Variants in CPS1 observed in about 807,000 individuals in gnomAD.
CPS1 encodes carbamoyl-phosphate synthase 1.
Under a neutral mutation model 174.6 loss-of-function variants are expected in CPS1, and 109 were observed. That is an observed-to-expected ratio of 0.62 (90% CI 0.53 to 0.73). CPS1 has a LOEUF of 0.73. CPS1 is among the 30% of genes least tolerant of loss of function. The probability of loss-of-function intolerance (pLI) is 0.00; values close to 1 mark genes in which losing one functional copy is unlikely to be tolerated. For synonymous variants in CPS1, 637 were observed against 632.0 expected, an observed-to-expected ratio of 1.01 and a Z score of -0.12; for missense variants, 1,689 against 1,821.9, an observed-to-expected ratio of 0.93 and a Z score of 1.33.
chr2:210,494,564 T>C (rs1476233575), intron 1 of CPS1, among the ~76,000 whole-genome samples: 1 of 152,180 alleles, frequency 6.6e-6, no homozygotes, highest in Non-Finnish European at 1.5e-5. Context: ...GTGTGGGAGA[T>C]GCAAAGGCAA....
At chr2:210,500,540 A>G (rs953801371) in intron 1 of CPS1, among the ~76,000 whole-genome samples, 1 of 152,198 alleles carries the variant, frequency 6.6e-6, no homozygotes, top group Admixed American at 6.5e-5. Flanking sequence ...TACAGTCCCC[A>G]TGCAAGTCCG....
chr2:210,626,627 T>C (rs771322129), intron 21 of CPS1, among the ~76,000 whole-genome samples: 1 of 152,180 alleles, frequency 6.6e-6, no homozygotes, highest in Non-Finnish European at 1.5e-5. Flanking sequence ...GTAGGCAGTA[T>C]AGGTATATCG....
intron 20 of CPS1, among the ~76,000 whole-genome samples, chr2:210,613,245 A>G (rs1442744641): frequency 1.3e-5 from 2 of 151,976 alleles, no homozygotes; most frequent in Non-Finnish European, 2.9e-5. Context: ...CGCAACTTTT[A>G]TGTCCATATT....
intron 1 of CPS1, among the ~76,000 whole-genome samples, chr2:210,526,966 T>G (rs374440580): frequency 1.3e-5 from 2 of 151,976 alleles, no homozygotes; most frequent in East Asian, 3.9e-4. Flanking sequence ...TTTACAGATT[T>G]GCAGAAATAT....
chr2:210,586,590 A>G (rs909783320), intron 6 of CPS1, among the ~76,000 whole-genome samples: 22 of 152,084 alleles, frequency 1.4e-4, no homozygotes, highest in African/African-American at 4.8e-4. Flanking sequence ...CCTCTCTGTT[A>G]AGTCCAAGCA....
chr2:210,527,277 A>T lies in CPS1; in HGVS notation c.4-29442A>T, dbSNP rs529272420. On this transcript the variant is annotated intron_variant, in intron 1 of 38. Transcript: ENST00000430249. ...TTTCTTTGCAATTTACTTTTCTTAC[A>T]TACAAAAATATAAGGGACCTCCAGC... 1.8e-4 allele frequency among the ~76,000 whole-genome samples: 28 copies of T among 152,056 alleles called. 1 individual carries two copies. The highest frequency in any genetic ancestry group is 1.1e-3 in the Admixed American group (16 of 15,228).
rs1039951457 is a variant in CPS1 at position 210,632,186 on chromosome 2, CA to C, written c.2688-5509del. On this transcript the variant is annotated intron_variant, in intron 21 of 37. Coordinates refer to ENST00000233072, the MANE Select transcript of CPS1 (RefSeq NM_001875.5). Reference sequence around the variant, plus strand: ...AAAATAAGCTTTTACCTAGTTTGATCAAAAAAACAAAAACAAAAACCCACCA... The same window carrying C: ...AAAATAAGCTTTTACCTAGTTTGATCAAAAAACAAAAACAAAAACCCACCA... 4.6e-5 allele frequency among the ~76,000 whole-genome samples: 7 copies of C among 151,372 alleles called. No individual in the cohort carries two copies. In the East Asian group the frequency reaches 1.4e-3, roughly 29 times the overall value.
chr2:210,520,608 CTCTG>C (rs1358017928), intron 1 of CPS1, among the ~76,000 whole-genome samples: 1 of 151,988 alleles, frequency 6.6e-6, no homozygotes, highest in African/African-American at 2.4e-5. Flanking sequence ...TTTTTGCCTA[CTCTG>C]TCTGTCTCTA....
chr2:210,669,657 G>A (rs1450611270), intron 34 of CPS1, among the ~76,000 whole-genome samples: 1 of 152,092 alleles, frequency 6.6e-6, no homozygotes, highest in Non-Finnish European at 1.5e-5. Flanking sequence ...TAGAGCAGAG[G>A]CTAACAAGAT....
In CPS1 at chr2:210,505,319, A is replaced by T. The variant is rs1020892011; in HGVS notation, c.3+27553A>T. On this transcript the variant is annotated intron_variant, in intron 1 of 38. Coordinates refer to the CPS1 transcript ENST00000430249. The stretch of plus-strand genomic sequence containing the variant: ...GCAATTACTTTAGCACCAACCTAAT[A>T]TCATGAAGAAAGAAAAGAAGCACAG... Among the ~76,000 whole-genome samples, 8 of 151,932 alleles carry T rather than the reference A, an allele frequency of 5.3e-5. 1 individual carries two copies. Among genetic ancestry groups the T allele is most frequent in the Non-Finnish European group, 8.8e-5 (6 of 67,932 alleles).
chr2:210,573,707 G>C (rs945327280), intron 2 of CPS1, among the ~76,000 whole-genome samples: 15 of 151,988 alleles, frequency 9.9e-5, no homozygotes, highest in African/African-American at 1.4e-4. Context: ...ATTACCAAAT[G>C]GTTTCTGTAA....
intron 1 of CPS1, among the ~76,000 whole-genome samples, chr2:210,562,219 T>G (rs2106048462): frequency 6.6e-6 from 1 of 152,344 alleles, no homozygotes; most frequent in South Asian, 2.1e-4. Context: ...TGTTTATAAA[T>G]GTTCAAACAT....
chr2:210,577,629 A>G (rs1697758598), intron 4 of CPS1, 119 bp downstream of exon 4: 1 of 810,650 alleles, frequency 1.2e-6, no homozygotes, highest in African/African-American at 1.7e-5. Context: ...TGCATTTCAG[A>G]GAGGGATTCC....
rs1374322297 is a variant in CPS1, at chr2:210,675,842, T to C, written c.4274+2T>C. 3.8e-6 allele frequency: 5 copies of C among 1,304,840 alleles called. No homozygotes were observed. Among genetic ancestry groups the C allele is most frequent in the Non-Finnish European group, 4.5e-6 (4 of 897,752 alleles). 80.8% of individuals were successfully genotyped at this position (1,304,840 alleles called of 1,614,324 possible). A position where few individuals can be genotyped will look rare whatever the true frequency, so the allele number is the denominator to read the frequency against. On this transcript the variant is annotated splice_donor_variant, in intron 36 of 37. Coordinates refer to ENST00000233072, the MANE Select transcript of CPS1 (RefSeq NM_001875.5). LOFTEE classifies it high-confidence loss of function. ...TCCCAGCCTCTCTTCCATCAGAAAG[T>C]AAGAACTAGGCATACTGTTTTCTGA...
intron 6 of CPS1, among the ~76,000 whole-genome samples, chr2:210,583,883 A>G (rs559032835): frequency 7.1e-4 from 108 of 152,266 alleles, no homozygotes; most frequent in African/African-American, 2.4e-3. Context: ...AACAAAACTC[A>G]CGAGAGCCTG....
chr2:210,537,986 T>C (rs900675860), intron 1 of CPS1, among the ~76,000 whole-genome samples: 1 of 152,210 alleles, frequency 6.6e-6, no homozygotes, highest in Non-Finnish European at 1.5e-5. Context: ...CATATAACTC[T>C]TAACTGCATT....
intron 6 of CPS1, among the ~76,000 whole-genome samples, chr2:210,584,873 A>G (rs1209091584): frequency 2.6e-5 from 4 of 151,856 alleles, no homozygotes; most frequent in Non-Finnish European, 5.9e-5. Flanking sequence ...CTGTGAACCA[A>G]TTTTCTATTT....
At chr2:210,568,665 G>A (rs1390505569) in intron 1 of CPS1, among the ~76,000 whole-genome samples, 1 of 151,984 alleles carries the variant, frequency 6.6e-6, no homozygotes, top group African/African-American at 2.4e-5. Flanking sequence ...TGACAGTTGT[G>A]ACTCCAAGAT....
Position 210,512,861 on chromosome 2 carries a change from T to TATATATATATGG in CPS1, c.3+35096_3+35097insTATATATATGGA, listed in dbSNP as rs1553502800. 6.5e-5 allele frequency among the ~76,000 whole-genome samples: 3 copies of TATATATATATGG among 46,240 alleles called. 1 individual carries two copies. The highest frequency in any genetic ancestry group is 1.6e-4 in the African/African-American group (2 of 12,142). The allele number at this position is 46,240 out of a possible 152,430, so 30.3% of individuals were successfully genotyped here. On this transcript the variant is annotated intron_variant, in intron 1 of 38. Coordinates refer to the CPS1 transcript ENST00000430249. ...ATACATATATGGAGATATATATATA[T>TATATATATATGG]AGATATATATATATAGAGATATATA...
Sources: gnomAD v4.1 joint callset for allele counts (sites outside exome capture counted in the v4.1 genomes callset) on GRCh38, gnomAD v4.1.1 for gene constraint, MANE v1.5 for transcripts, NCBI Gene and HGNC (gene_info 2026-07-23, HGNC 2026-07-21) for gene names.